HECW2: variants seen among roughly 807,000 people sequenced by gnomAD.
HECW2 encodes the protein HECT, C2 and WW domain containing E3 ubiquitin protein ligase 2, also known as E3 ubiquitin-protein ligase HECW2.
In HECW2, 61 loss-of-function variants were observed where a neutral mutation model predicts 175.2. The ratio of observed to expected loss-of-function variants is 0.35; its 90% confidence interval spans 0.28 to 0.43. The LOEUF is 0.43. Ranked by LOEUF, HECW2 falls within the 20% of genes least tolerant of loss-of-function variation. The pLI is 1.00. For synonymous variants in HECW2, 671 were observed against 731.0 expected, an observed-to-expected ratio of 0.92 and a Z score of 1.32; for missense variants, 1,524 against 2,000.5, an observed-to-expected ratio of 0.76 and a Z score of 4.54.
At chr2:196,378,841 G>A (rs73053796) in intron 2 of HECW2, among the ~76,000 whole-genome samples, 3,266 of 152,092 alleles carry the variant, frequency 0.021, 115 homozygotes, top group African/African-American at 0.075. Flanking sequence ...ACATTCTAAC[G>A]AAGACATTAC....
chr2:196,469,101 C>CTG (rs150802425), intron 1 of HECW2, among the ~76,000 whole-genome samples: 15,345 of 130,588 alleles, frequency 0.12, 1,311 homozygotes, highest in African/African-American at 0.26. Context: ...GTCACTGAAC[C>CTG]TGTGTGTGTG....
At chr2:196,278,421 AAAAAAAAAG>A in intron 15 of HECW2, 98 bp downstream of exon 15, 2 of 1,350,024 alleles carry the variant, frequency 1.5e-6, no homozygotes, top group Non-Finnish European at 2.0e-6. Flanking sequence ...AACTCAAAAA[AAAAAAAAAG>A]AAAAAATGCT....
At chr2:196,245,204 T>C in intron 19 of HECW2, among the ~76,000 whole-genome samples, 1 of 152,230 alleles carries the variant, frequency 6.6e-6, no homozygotes, top group East Asian at 1.9e-4. Context: ...ACAACAGGTC[T>C]TACTTGTTAA....
At chr2:196,581,396 T>C (rs1190308507) in intron 1 of HECW2, among the ~76,000 whole-genome samples, 1 of 152,052 alleles carries the variant, frequency 6.6e-6, no homozygotes, top group Non-Finnish European at 1.5e-5. Context: ...TAGCTGGGCA[T>C]GGTGGCATGT....
At chr2:196,373,089 G>A (rs964637898) in intron 2 of HECW2, among the ~76,000 whole-genome samples, 4 of 152,172 alleles carry the variant, frequency 2.6e-5, no homozygotes, top group African/African-American at 9.7e-5. Context: ...TCTTAACAAG[G>A]AAGACTCTAA....
At chr2:196,414,125 C>T (rs557499315) in intron 2 of HECW2, among the ~76,000 whole-genome samples, 149 of 152,286 alleles carry the variant, frequency 9.8e-4, no homozygotes, top group Non-Finnish European at 1.6e-3. Context: ...TTTGCTTTTC[C>T]ATAAATAGTT....
intron 1 of HECW2, among the ~76,000 whole-genome samples, chr2:196,558,405 C>T (rs1487901297): frequency 6.6e-6 from 1 of 152,186 alleles, no homozygotes; most frequent in Non-Finnish European, 1.5e-5. Context: ...GAGAGCTTTA[C>T]ATCAAACTCT....
intron 14 of HECW2, among the ~76,000 whole-genome samples, chr2:196,279,615 C>G (rs1690111773): frequency 6.6e-6 from 1 of 152,202 alleles, no homozygotes; most frequent in Admixed American, 6.5e-5. Context: ...CACCCCAATA[C>G]AAAGCTTCTC....
intron 2 of HECW2, among the ~76,000 whole-genome samples, chr2:196,384,113 C>G (rs562695460): frequency 6.6e-6 from 1 of 152,296 alleles, no homozygotes; most frequent in African/African-American, 2.4e-5. Context: ...AAATCTTGAC[C>G]TCCCTGATTG....
intron 1 of HECW2, among the ~76,000 whole-genome samples, chr2:196,453,931 G>A (rs10469750): frequency 0.24 from 37,203 of 152,020 alleles, 6,065 homozygotes; most frequent in African/African-American, 0.47. Context: ...AACCAAACTG[G>A]AAATTGTCGG....
In HECW2 at chr2:196,323,547, C is replaced by A. The variant is rs1185710418; in HGVS notation, c.742-927G>T. Among the ~76,000 whole-genome samples, 4 of 152,250 alleles carry A rather than the reference C, an allele frequency of 2.6e-5. No individual in the cohort carries two copies. The East Asian group carries it at 7.7e-4, about 29-fold the overall frequency. ...ATCTAGTCATAACAATTAAGGTTTT[C>A]CAAAGGGCCAAGCAATTTGGCAGTC... On this transcript the variant is annotated intron_variant, in intron 6 of 28. Coordinates refer to ENST00000644978, the MANE Select transcript of HECW2 (RefSeq NM_001348768.2).
chr2:196,407,409 C>A (rs772678139), intron 2 of HECW2, among the ~76,000 whole-genome samples: 15 of 151,902 alleles, frequency 9.9e-5, no homozygotes, highest in Non-Finnish European at 1.6e-4. Flanking sequence ...ACCATGTTGC[C>A]TAGGCTGGTC....
chr2:196,458,215 A>G (rs11888491), intron 1 of HECW2, among the ~76,000 whole-genome samples: 3,132 of 152,234 alleles, frequency 0.021, 94 homozygotes, highest in African/African-American at 0.072. Context: ...GGCTGCAGTG[A>G]GCCATGATTG....
At chr2:196,450,955 C>G (rs1199275855) in intron 1 of HECW2, among the ~76,000 whole-genome samples, 2 of 151,868 alleles carry the variant, frequency 1.3e-5, no homozygotes, top group Non-Finnish European at 2.9e-5. Flanking sequence ...TAAAATGAAC[C>G]AAAAGTCAAC....
In HECW2 at chr2:196,199,338, A is replaced by G. The variant is rs745838821; in HGVS notation, c.*1939T>C. Reference sequence around the variant, plus strand: ...AAAGTTTTTCTTTTTTTCTCTTCCAATTATAGAATACAGAGAGCTCTTCCT... The same window carrying G: ...AAAGTTTTTCTTTTTTTCTCTTCCAGTTATAGAATACAGAGAGCTCTTCCT... On this transcript the variant is annotated 3_prime_UTR_variant, in exon 29 of 29. Transcript: ENST00000644978. The G allele has an allele frequency of 9.2e-5, 14 of 152,580 alleles. No individual in the cohort carries two copies. Among genetic ancestry groups the G allele is most frequent in the African/African-American group, 3.4e-4 (14 of 41,446 alleles). 9.5% of individuals were successfully genotyped at this position (152,580 alleles called of 1,614,324 possible).
intron 1 of HECW2, among the ~76,000 whole-genome samples, chr2:196,521,484 AT>A (rs1221992068): frequency 6.6e-6 from 1 of 151,590 alleles, no homozygotes; most frequent in African/African-American, 2.4e-5. Flanking sequence ...ATTTCATTTT[AT>A]TTTTTTATTA....
At position 196,492,649 on chromosome 2, in the gene HECW2, T is replaced by C. The variant is rs563030222; in HGVS notation, c.-35-59191A>G. On this transcript the variant is annotated intron_variant, in intron 1 of 28. Transcript: ENST00000644978. Reference sequence around the variant, plus strand: ...TCTTTCTGAGGTGTTAATTCAAAGATACCATTGTTATTACCAAAGTATTCT... The same window carrying C: ...TCTTTCTGAGGTGTTAATTCAAAGACACCATTGTTATTACCAAAGTATTCT... 1.2e-4 allele frequency among the ~76,000 whole-genome samples: 19 copies of C among 152,276 alleles called. No homozygotes were observed. The South Asian group carries it at 2.7e-3, about 22-fold the overall frequency.
intron 3 of HECW2, among the ~76,000 whole-genome samples, chr2:196,338,477 A>G (rs1692632995): frequency 1.3e-5 from 2 of 152,214 alleles, no homozygotes; most frequent in South Asian, 2.1e-4. Context: ...TAGAAAAGCA[A>G]TCACAACTCA....
chr2:196,527,272 C>T (rs550959301), intron 1 of HECW2, among the ~76,000 whole-genome samples: 4 of 152,346 alleles, frequency 2.6e-5, no homozygotes, highest in South Asian at 4.1e-4. Flanking sequence ...TTCTTTGACT[C>T]GGAAAGGGAA....
Sources: allele counts gnomAD v4.1 joint callset (sites outside exome capture counted in the v4.1 genomes callset), GRCh38; gene constraint gnomAD v4.1.1; transcripts MANE v1.5; gene names NCBI Gene and HGNC (gene_info 2026-07-23, HGNC 2026-07-21).